RBFOX1: variants seen among roughly 807,000 people sequenced by gnomAD.
The protein encoded by RBFOX1 is RNA binding fox-1 homolog 1.
In RBFOX1, 8 loss-of-function variants were observed where a neutral mutation model predicts 57.7. The ratio of observed to expected loss-of-function variants is 0.14; its 90% CI spans 0.08 to 0.25. RBFOX1 has a LOEUF of 0.25. Among genes scored for constraint, RBFOX1 ranks in the 10% least tolerant of loss-of-function variants. The pLI, the probability that RBFOX1 is intolerant of heterozygous loss-of-function variation, is 1.00. For missense variants in RBFOX1, 611 were observed against 548.5 expected, an observed-to-expected ratio of 1.11 and a Z score of -1.14; for synonymous variants, 326 against 222.4, an observed-to-expected ratio of 1.47 and a Z score of -4.15.
intron 2 of RBFOX1, among the ~76,000 whole-genome samples, chr16:5,564,679 C>T (rs1484174106): frequency 3.3e-5 from 5 of 152,162 alleles, no homozygotes; most frequent in African/African-American, 4.8e-5. Context: ...GGAACCTCTC[C>T]AGGCTTTCTG....
chr16:5,671,820 T>C (rs1027162891), intron 3 of RBFOX1, among the ~76,000 whole-genome samples: 4 of 152,242 alleles, frequency 2.6e-5, no homozygotes, highest in Non-Finnish European at 5.9e-5. Flanking sequence ...AAAATGACTA[T>C]TCAAATTATA....
At chr16:6,289,982 G>C (rs1241165894) in intron 1 of RBFOX1, among the ~76,000 whole-genome samples, 1 of 152,180 alleles carries the variant, frequency 6.6e-6, no homozygotes, top group Admixed American at 6.5e-5. Flanking sequence ...ATATGGAGAA[G>C]GGGTAGGAGA....
chr16:7,087,618 G>C (rs947362759), intron 4 of RBFOX1, among the ~76,000 whole-genome samples: 1 of 151,942 alleles, frequency 6.6e-6, no homozygotes, highest in Non-Finnish European at 1.5e-5. Context: ...GAGAGAGGCA[G>C]CCAGAAGCAA....
At chr16:7,634,110 G>A (rs774523691) in intron 11 of RBFOX1, among the ~76,000 whole-genome samples, 5 of 152,134 alleles carry the variant, frequency 3.3e-5, no homozygotes, top group Non-Finnish European at 5.9e-5. Context: ...CTCTCTGATG[G>A]GTGCAGACTT....
At chr16:7,510,074 G>A (rs763349061) in intron 4 of RBFOX1, 3 of 914,170 alleles carry the variant, frequency 3.3e-6, no homozygotes, top group African/African-American at 3.6e-5. Context: ...GATGGGCCAG[G>A]CCTTCCTGGC....
At chr16:7,268,049 G>T (rs1252396456) in intron 4 of RBFOX1, among the ~76,000 whole-genome samples, 1 of 152,186 alleles carries the variant, frequency 6.6e-6, no homozygotes, top group Non-Finnish European at 1.5e-5. Flanking sequence ...TAGGCTAGGT[G>T]ATCTAGCTTA....
At chr16:5,592,418 CTT>C (rs1325474693) in intron 2 of RBFOX1, among the ~76,000 whole-genome samples, 1 of 141,492 alleles carries the variant, frequency 7.1e-6, no homozygotes. Context: ...TTATAAAAAT[CTT>C]TTTTTTTTTT....
At chr16:7,184,426 A>C (rs771183511) in intron 4 of RBFOX1, among the ~76,000 whole-genome samples, 4 of 152,228 alleles carry the variant, frequency 2.6e-5, no homozygotes, top group African/African-American at 7.2e-5. Context: ...TAGCATATCC[A>C]CAAACACCTC....
At chr16:6,663,452 G>A (rs1410957744) in intron 3 of RBFOX1, among the ~76,000 whole-genome samples, 1 of 152,164 alleles carries the variant, frequency 6.6e-6, no homozygotes, top group African/African-American at 2.4e-5. Context: ...CTGGGAGTAG[G>A]AGTGGACTAG....
At chr16:5,866,510 T>A (rs1412413264) in intron 3 of RBFOX1, among the ~76,000 whole-genome samples, 1 of 152,020 alleles carries the variant, frequency 6.6e-6, no homozygotes, top group Non-Finnish European at 1.5e-5. Flanking sequence ...TTCTTAAGAG[T>A]TATCACACAG....
At chr16:5,917,911 C>G (rs960151295) in intron 4 of RBFOX1, among the ~76,000 whole-genome samples, 1 of 152,144 alleles carries the variant, frequency 6.6e-6, no homozygotes, top group Non-Finnish European at 1.5e-5. Flanking sequence ...CTGCACTGAC[C>G]TCTTAGCTCC....
At chr16:7,458,703 C>T (rs533540329) in intron 4 of RBFOX1, among the ~76,000 whole-genome samples, 19 of 151,854 alleles carry the variant, frequency 1.3e-4, no homozygotes, top group Non-Finnish European at 2.6e-4. Context: ...ACCTAGTTCA[C>T]TCCCTCTCCT....
At chr16:6,275,450 T>G (rs2075702134) in intron 1 of RBFOX1, among the ~76,000 whole-genome samples, 2 of 152,244 alleles carry the variant, frequency 1.3e-5, no homozygotes, top group African/African-American at 4.8e-5. Flanking sequence ...ACACCTGATC[T>G]CATTCGCATC....
intron 2 of RBFOX1, among the ~76,000 whole-genome samples, chr16:6,371,160 C>G (rs1208730305): frequency 6.6e-6 from 1 of 152,164 alleles, no homozygotes; most frequent in Non-Finnish European, 1.5e-5. Flanking sequence ...AACTTTCTCA[C>G]TGTAATTAAT....
intron 1 of RBFOX1, among the ~76,000 whole-genome samples, chr16:6,253,247 TC>T (rs2097635536): frequency 6.6e-6 from 1 of 152,178 alleles, no homozygotes; most frequent in Admixed American, 6.5e-5. Context: ...TTAAAAGCAG[TC>T]TGATTGACTT....
chr16:5,855,904 A>T (rs1357326288), intron 3 of RBFOX1, among the ~76,000 whole-genome samples: 1 of 141,244 alleles, frequency 7.1e-6, no homozygotes, highest in Non-Finnish European at 1.5e-5. Context: ...TCAATATTTT[A>T]TTAATGTTTG....
At chr16:6,697,441 G>A (rs1247552097) in intron 3 of RBFOX1, among the ~76,000 whole-genome samples, 1 of 152,146 alleles carries the variant, frequency 6.6e-6, no homozygotes, top group African/African-American at 2.4e-5. Flanking sequence ...ATAGGAAACA[G>A]CCCACGGTGA....
intron 3 of RBFOX1, among the ~76,000 whole-genome samples, chr16:5,718,970 A>T (rs969691005): frequency 1.0e-5 from 1 of 96,512 alleles, no homozygotes; most frequent in African/African-American, 2.8e-5. Flanking sequence ...CCATGTGTAT[A>T]GTTAAAAAAA....
At chr16:6,574,176 C>T (rs976018122) in intron 2 of RBFOX1, among the ~76,000 whole-genome samples, 1 of 152,046 alleles carries the variant, frequency 6.6e-6, no homozygotes, top group Non-Finnish European at 1.5e-5. Context: ...TTGGTGGGAC[C>T]GTGGGTGAGT....
Sources: gnomAD v4.1 joint callset for allele counts (sites outside exome capture counted in the v4.1 genomes callset) on GRCh38, gnomAD v4.1.1 for gene constraint, MANE v1.5 for transcripts, NCBI Gene and HGNC (gene_info 2026-07-23, HGNC 2026-07-21) for gene names.